Variants in ASTN2 observed in about 807,000 individuals in gnomAD.
ASTN2 encodes astrotactin-2.
ASTN2 carries 54 observed loss-of-function variants against 139.8 expected under a neutral mutation model. The observed-to-expected ratio is 0.39, with a 90% confidence interval of 0.31 to 0.48. The LOEUF (loss-of-function observed/expected upper bound fraction) is 0.48. ASTN2 is among the 20% of genes least tolerant of loss of function. The pLI, the probability that ASTN2 is intolerant of heterozygous loss-of-function variation, is 0.95. For synonymous variants in ASTN2, 756 were observed against 719.5 expected (o/e 1.05, Z -0.81); for missense variants, 1,565 against 1,725.1 (o/e 0.91, Z 1.64).
At chr9:116,485,534 G>A (rs545537225) in intron 20 of ASTN2, among the ~76,000 whole-genome samples, 2 of 152,302 alleles carry the variant, frequency 1.3e-5, no homozygotes, top group South Asian at 2.1e-4. Flanking sequence ...CCAAGGTGTT[G>A]GTGAGTGCTT....
chr9:116,727,013 A>AAC (rs34050784), intron 15 of ASTN2, among the ~76,000 whole-genome samples: 3,354 of 144,470 alleles, frequency 0.023, 84 homozygotes, highest in African/African-American at 0.061. Flanking sequence ...CACTACACTC[A>AAC]ACACACACAC....
chr9:116,936,761 A>G (rs1373913853), intron 10 of ASTN2, among the ~76,000 whole-genome samples: 1 of 152,194 alleles, frequency 6.6e-6, no homozygotes, highest in Non-Finnish European at 1.5e-5. Flanking sequence ...TTCAGATGAC[A>G]AATGAACCCA....
rs1831694093 is a variant in ASTN2, at chr9:116,828,167, C to T, written c.2041-7384G>A. 2.0e-5 allele frequency among the ~76,000 whole-genome samples: 3 copies of T among 151,982 alleles called. No individual in the cohort carries two copies. In the South Asian group the frequency reaches 6.2e-4, roughly 32 times the overall value. ...AAAAAATTAGCTGGGCATGGTGGCACACGCCTATAATCCCAGCTATTCGGG... is the reference window on the plus strand; with the variant it reads ...AAAAAATTAGCTGGGCATGGTGGCATACGCCTATAATCCCAGCTATTCGGG... On this transcript the variant is annotated intron_variant, in intron 11 of 22. Transcript: ENST00000313400.
At chr9:117,204,307 C>T (rs1831839443) in intron 3 of ASTN2, among the ~76,000 whole-genome samples, 1 of 152,168 alleles carries the variant, frequency 6.6e-6, no homozygotes, top group Admixed American at 6.5e-5. Context: ...GATCCACCTG[C>T]CTCAGCCTCC....
chr9:117,175,783 G>A (rs1331906349), intron 3 of ASTN2, among the ~76,000 whole-genome samples: 1 of 152,004 alleles, frequency 6.6e-6, no homozygotes, highest in Admixed American at 6.6e-5. Flanking sequence ...AATTATAGGT[G>A]CATAACTAAG....
At chr9:117,278,188 G>T (rs1359603366) in intron 2 of ASTN2, among the ~76,000 whole-genome samples, 1 of 152,194 alleles carries the variant, frequency 6.6e-6, no homozygotes, top group Non-Finnish European at 1.5e-5. Flanking sequence ...AAGAATTATT[G>T]CTTCTGAAAT....
chr9:117,172,484 T>C (rs1439814724), intron 3 of ASTN2, among the ~76,000 whole-genome samples: 1 of 152,168 alleles, frequency 6.6e-6, no homozygotes, highest in Non-Finnish European at 1.5e-5. Context: ...ATATACTTTA[T>C]TGAGTGTTAC....
At chr9:116,647,543 G>A (rs1005390000) in intron 17 of ASTN2, among the ~76,000 whole-genome samples, 7 of 152,116 alleles carry the variant, frequency 4.6e-5, no homozygotes, top group African/African-American at 1.4e-4. Context: ...CAGACATAGG[G>A]GAATCTGGCT....
chr9:117,294,728 C>T (rs896496776), intron 1 of ASTN2, among the ~76,000 whole-genome samples: 3 of 152,166 alleles, frequency 2.0e-5, no homozygotes, highest in Admixed American at 2.0e-4. Context: ...TGTGTGTTAT[C>T]GGGACTATCT....
At chr9:116,840,008 G>A (rs1832159029) in intron 11 of ASTN2, among the ~76,000 whole-genome samples, 1 of 148,016 alleles carries the variant, frequency 6.8e-6, no homozygotes, top group Non-Finnish European at 1.5e-5. Flanking sequence ...GTTTTCCTAG[G>A]CAGAGGACCC....
At chr9:116,745,138 A>G (rs990672609) in intron 13 of ASTN2, among the ~76,000 whole-genome samples, 2 of 152,174 alleles carry the variant, frequency 1.3e-5, no homozygotes, top group Admixed American at 6.5e-5. Flanking sequence ...TACTGTTACC[A>G]TTTGATAGGA....
At chr9:116,749,783 T>G (rs564616203) in intron 13 of ASTN2, among the ~76,000 whole-genome samples, 24 of 152,302 alleles carry the variant, frequency 1.6e-4, no homozygotes, top group African/African-American at 5.8e-4. Context: ...AAGTGAGTTC[T>G]CTTTCAGTTA....
intron 11 of ASTN2, among the ~76,000 whole-genome samples, chr9:116,851,301 G>T (rs1832593745): frequency 6.6e-6 from 1 of 152,170 alleles, no homozygotes; most frequent in South Asian, 2.1e-4. Flanking sequence ...GTTACAATTG[G>T]AAATGGAGGC....
chr9:117,045,937 G>A (rs1249455453), intron 5 of ASTN2, among the ~76,000 whole-genome samples: 2 of 151,614 alleles, frequency 1.3e-5, no homozygotes, highest in Non-Finnish European at 2.9e-5. Context: ...CTTAGGATGG[G>A]GAAAGAGGCT....
intron 3 of ASTN2, among the ~76,000 whole-genome samples, chr9:117,180,328 T>C (rs1422658950): frequency 6.6e-6 from 1 of 152,224 alleles, no homozygotes; most frequent in Non-Finnish European, 1.5e-5. Flanking sequence ...CATGTTCCTT[T>C]GTTGCCAGCC....
At chr9:116,593,973 G>A (rs745319073) in intron 19 of ASTN2, among the ~76,000 whole-genome samples, 5 of 152,140 alleles carry the variant, frequency 3.3e-5, no homozygotes, top group Non-Finnish European at 5.9e-5. Context: ...AACTCACTTT[G>A]CGCTGCCCCA....
rs373370134 is a variant in ASTN2 at position 116,830,284 on chromosome 9, A to G, written c.2041-9501T>C. Among the ~76,000 whole-genome samples the G allele has an allele frequency of 7.9e-5, 12 of 152,350 alleles. 1 individual carries two copies. In the South Asian group the frequency reaches 2.5e-3, roughly 32 times the overall value. Reference sequence around the variant, plus strand: ...ATGCAAATCAAAACCACAGTGAGATACCATCTCACACCAGTCAGAATGGCT... The same window carrying G: ...ATGCAAATCAAAACCACAGTGAGATGCCATCTCACACCAGTCAGAATGGCT... On this transcript the variant is annotated intron_variant, in intron 11 of 22. Coordinates refer to ENST00000313400, the MANE Select transcript of ASTN2 (RefSeq NM_001365068.1).
At chr9:117,228,886 G>A (rs184264368) in intron 2 of ASTN2, among the ~76,000 whole-genome samples, 1 of 152,040 alleles carries the variant, frequency 6.6e-6, no homozygotes, top group African/African-American at 2.4e-5. Flanking sequence ...ATGGTGGCAC[G>A]TGCCTATATT....
At chr9:116,466,409 T>C (rs1330764520) in intron 20 of ASTN2, among the ~76,000 whole-genome samples, 2 of 152,146 alleles carry the variant, frequency 1.3e-5, no homozygotes, top group African/African-American at 4.8e-5. Flanking sequence ...TCAGCAAACG[T>C]TTCTCAAAGG....
Sources: allele counts gnomAD v4.1 joint callset (sites outside exome capture counted in the v4.1 genomes callset), GRCh38; gene constraint gnomAD v4.1.1; transcripts MANE v1.5; gene names NCBI Gene and HGNC (gene_info 2026-07-23, HGNC 2026-07-21).